The following GPHN variants were observed in gnomAD, a reference collection of about 807,000 sequenced individuals.
The protein encoded by GPHN is gephyrin.
Under a neutral mutation model 95.5 loss-of-function variants are expected in GPHN, and 17 were observed. The observed-to-expected ratio is 0.18, with a 90% CI of 0.12 to 0.27. The LOEUF is 0.27. GPHN is among the 10% of genes least tolerant of loss of function. GPHN has a pLI of 1.00. For missense variants in GPHN, 660 were observed against 978.1 expected, an observed-to-expected ratio of 0.67 and a Z score of 4.34; for synonymous variants, 320 against 322.5, an observed-to-expected ratio of 0.99 and a Z score of 0.08.
At chr14:67,671,836 G>A in the GPHN span, among the ~76,000 whole-genome samples, 4 of 152,282 alleles carry the variant, frequency 2.6e-5, no homozygotes, top group African/African-American at 9.6e-5. Context: ...AAGCAAGAGA[G>A]GGCTGAACTA....
At chr14:66,543,536 A>G (rs1170206452) in intron 1 of GPHN, among the ~76,000 whole-genome samples, 1 of 152,220 alleles carries the variant, frequency 6.6e-6, no homozygotes, top group Non-Finnish European at 1.5e-5. Flanking sequence ...AATTGTACAC[A>G]TATATACACC....
intron 3 of GPHN, among the ~76,000 whole-genome samples, chr14:66,812,367 CAG>C (rs1275034464): frequency 2.0e-5 from 3 of 152,196 alleles, no homozygotes; most frequent in Non-Finnish European, 2.9e-5. Flanking sequence ...ACATATCACT[CAG>C]TGTCCAGCAT....
chr14:67,150,770 G>T (rs909043761), intron 18 of GPHN, among the ~76,000 whole-genome samples: 7 of 151,744 alleles, frequency 4.6e-5, no homozygotes, highest in African/African-American at 1.5e-4. Flanking sequence ...TGCTCAAGTT[G>T]GTCTCTAACT....
At chr14:67,658,957 C>T in the GPHN span, among the ~76,000 whole-genome samples, 288 of 152,294 alleles carry the variant, frequency 1.9e-3, 4 homozygotes, top group African/African-American at 6.7e-3. Flanking sequence ...CACTGGTGGG[C>T]CCCTTTCCAT....
intron 10 of GPHN, among the ~76,000 whole-genome samples, chr14:67,048,530 T>C (rs2075144783): frequency 6.6e-6 from 1 of 152,210 alleles, no homozygotes; most frequent in Admixed American, 6.5e-5. Context: ...GGGAATGCTG[T>C]CAGTTTAGAT....
the GPHN span, among the ~76,000 whole-genome samples, chr14:67,265,128 A>T: frequency 6.6e-6 from 1 of 152,216 alleles, no homozygotes; most frequent in African/African-American, 2.4e-5. Context: ...AAGCTATGAA[A>T]ATAGCAGTTG....
At chr14:67,686,636 TGC>T in the GPHN span, among the ~76,000 whole-genome samples, 1 of 35,810 alleles carries the variant, frequency 2.8e-5, no homozygotes, top group Non-Finnish European at 5.2e-5. Context: ...GAGACACCGG[TGC>T]AAAAAAAAAA....
the GPHN span, among the ~76,000 whole-genome samples, chr14:67,374,004 AT>A: frequency 2.0e-5 from 3 of 152,126 alleles, no homozygotes; most frequent in African/African-American, 7.2e-5. Flanking sequence ...ATAATTGAAA[AT>A]TATTAGTTCT....
At chr14:67,210,471 A>C in the GPHN span, among the ~76,000 whole-genome samples, 1 of 152,176 alleles carries the variant, frequency 6.6e-6, no homozygotes, top group Admixed American at 6.6e-5. Context: ...CTATGTTAGT[A>C]ATAAGGAATT....
At chr14:67,021,105 A>G (rs1477014165) in intron 9 of GPHN, among the ~76,000 whole-genome samples, 4 of 152,160 alleles carry the variant, frequency 2.6e-5, no homozygotes, top group African/African-American at 9.6e-5. Flanking sequence ...CATATTATAA[A>G]GAGAACTAGT....
At chr14:66,701,943 C>A (rs2068594365) in intron 2 of GPHN, among the ~76,000 whole-genome samples, 1 of 152,196 alleles carries the variant, frequency 6.6e-6, no homozygotes, top group South Asian at 2.1e-4. Context: ...CCAGGCTGTA[C>A]TTCTCCCCTC....
downstream of GPHN, among the ~76,000 whole-genome samples, chr14:67,182,873 T>C (rs369143845): frequency 3.7e-5 from 5 of 134,314 alleles, no homozygotes; most frequent in South Asian, 7.3e-4. Flanking sequence ...AGAGGCACAG[T>C]CTTGCTCTAC....
the GPHN span, chr14:67,729,553 T>A: frequency 1.4e-6 from 1 of 694,146 alleles, no homozygotes; most frequent in East Asian, 2.7e-5. Flanking sequence ...AGTACAAACT[T>A]ATGTGTTGGG....
intron 12 of GPHN, 79 bp downstream of exon 12, chr14:67,089,154 T>A: frequency 2.0e-6 from 1 of 492,434 alleles, no homozygotes; most frequent in South Asian, 1.9e-5. Context: ...TTTTTTTTTT[T>A]TTTTCAAATT....
the GPHN span, among the ~76,000 whole-genome samples, chr14:67,564,329 C>A: frequency 5.3e-5 from 8 of 152,254 alleles, no homozygotes; most frequent in East Asian, 1.2e-3. Flanking sequence ...GATAAAATGT[C>A]TTGATATCTG....
At chr14:67,188,652 C>A in the GPHN span, among the ~76,000 whole-genome samples, 2 of 152,262 alleles carry the variant, frequency 1.3e-5, no homozygotes, top group East Asian at 3.9e-4. Context: ...GCATCTGAGA[C>A]AATAACAGGG....
chr14:66,952,770 C>T (rs1234349582), intron 8 of GPHN, among the ~76,000 whole-genome samples: 1 of 152,172 alleles, frequency 6.6e-6, no homozygotes, highest in Admixed American at 6.5e-5. Context: ...TCTCGGCTCA[C>T]TGCAACCTCA....
rs563357592 is a variant in GPHN, at chr14:66,911,293, G to A, written c.390-4710G>A. On this transcript the variant is annotated intron_variant, in intron 5 of 22. Coordinates refer to ENST00000478722, the MANE Select transcript of GPHN (RefSeq NM_020806.5). ...AAGAAAATGTGGAATGACTGCTAAT[G>A]GGTATGGGATTTTTTTGTGGAGGGT... Among the ~76,000 whole-genome samples, 4 of 151,846 alleles carry A rather than the reference G, an allele frequency of 2.6e-5. No homozygotes were observed. The South Asian group carries it at 8.3e-4, about 32-fold the overall frequency.
chr14:67,036,550 C>CACACACAA (rs1594890683), intron 10 of GPHN, among the ~76,000 whole-genome samples: 1 of 148,318 alleles, frequency 6.7e-6, no homozygotes, highest in African/African-American at 2.5e-5. Context: ...CAGAGAAACA[C>CACACACAA]TAACTGTTAA....
Sources: allele counts gnomAD v4.1 joint callset (sites outside exome capture counted in the v4.1 genomes callset), GRCh38; gene constraint gnomAD v4.1.1; transcripts MANE v1.5; gene names NCBI Gene and HGNC (gene_info 2026-07-23, HGNC 2026-07-21).